The following GARNL3 variants were observed in gnomAD, a reference collection of about 807,000 sequenced individuals.
The protein encoded by GARNL3 is GTPase-activating Rap/Ran-GAP domain-like protein 3.
In GARNL3, 63 loss-of-function variants were observed where a neutral mutation model predicts 125.0. The observed-to-expected ratio is 0.50, with a 90% CI of 0.41 to 0.62. The LOEUF (loss-of-function observed/expected upper bound fraction) is 0.62, where lower values mean the gene tolerates loss of function less well. GARNL3 is among the 20% of genes least tolerant of loss of function. The pLI, the probability that GARNL3 is intolerant of heterozygous loss-of-function variation, is 0.00. For synonymous variants in GARNL3, 439 were observed against 457.5 expected (o/e 0.96, Z 0.52); for missense variants, 994 against 1,244.0 (o/e 0.80, Z 3.02).
chr9:127,285,234 C>A (rs2064214947), intron 1 of GARNL3, among the ~76,000 whole-genome samples: 1 of 152,134 alleles, frequency 6.6e-6, no homozygotes, highest in Admixed American at 6.5e-5. Flanking sequence ...GAGTTTGAGA[C>A]CAGCCTGACC....
chr9:127,276,863 G>A (rs2063970185), intron 1 of GARNL3, among the ~76,000 whole-genome samples: 1 of 152,206 alleles, frequency 6.6e-6, no homozygotes, highest in Non-Finnish European at 1.5e-5. Context: ...TGAGTGCTTT[G>A]TATGTGTAAA....
At chr9:127,225,596 G>C (rs2062894072) in intron 1 of GARNL3, among the ~76,000 whole-genome samples, 1 of 151,792 alleles carries the variant, frequency 6.6e-6, no homozygotes. Flanking sequence ...GAGGTGCAGG[G>C]ACGGGTGTCG....
At chr9:127,247,607 AT>A (rs1409679335) in intron 2 of GARNL3, among the ~76,000 whole-genome samples, 1 of 151,826 alleles carries the variant, frequency 6.6e-6, no homozygotes, top group Admixed American at 6.6e-5. Flanking sequence ...TGTTATTTAT[AT>A]TTTTTTACCT....
intron 21 of GARNL3, among the ~76,000 whole-genome samples, chr9:127,359,099 C>A (rs368989577): frequency 1.3e-5 from 2 of 152,082 alleles, no homozygotes; most frequent in Admixed American, 1.3e-4. Context: ...CCACTCCCCC[C>A]ACCCGCCGCC....
In GARNL3 at chr9:127,345,490, T is replaced by G. The variant is rs771045784; in HGVS notation, c.1431+13T>G. The stretch of plus-strand genomic sequence containing the variant: ...CTGTAAAAAAGAGGTGAGTTCATGA[T>G]ACTTTCAATTTGAACTTTGAATTCC... On this transcript the variant is annotated intron_variant, in intron 16 of 27. Coordinates refer to ENST00000373387, the MANE Select transcript of GARNL3 (RefSeq NM_032293.5). 23 of 1,516,710 alleles carry G rather than the reference T, an allele frequency of 1.5e-5. No homozygotes were observed. The highest frequency in any genetic ancestry group is 2.1e-5 in the Non-Finnish European group (23 of 1,108,110). 94.0% of individuals were successfully genotyped at this position (1,516,710 alleles called of 1,614,324 possible). A position where few individuals can be genotyped will look rare whatever the true frequency, so the allele number is the denominator to read the frequency against.
chr9:127,273,327 T>G (rs1419064636), intron 1 of GARNL3, among the ~76,000 whole-genome samples: 3 of 152,222 alleles, frequency 2.0e-5, no homozygotes, highest in African/African-American at 7.2e-5. Flanking sequence ...GAGTGTTTCC[T>G]GAGAAAATTA....
intron 1 of GARNL3, among the ~76,000 whole-genome samples, chr9:127,226,655 C>T (rs57569557): frequency 0.17 from 25,155 of 152,200 alleles, 6,398 homozygotes; most frequent in African/African-American, 0.55. Context: ...CCTCCTCCTT[C>T]GGAAGTCTTC....
chr9:127,300,273 A>T, intron 2 of GARNL3: 1 of 252,018 alleles, frequency 4.0e-6, no homozygotes. Flanking sequence ...GATCAATTTC[A>T]AAAGTTAGAG....
At chr9:127,327,915 A>G (rs1160726236) in intron 7 of GARNL3, among the ~76,000 whole-genome samples, 3 of 152,252 alleles carry the variant, frequency 2.0e-5, no homozygotes, top group African/African-American at 4.8e-5. Context: ...TACGTTTTAT[A>G]TAAAATTAGG....
chr9:127,360,311 C>T (rs556699335), intron 21 of GARNL3, among the ~76,000 whole-genome samples: 101 of 152,142 alleles, frequency 6.6e-4, no homozygotes, highest in African/African-American at 2.2e-3. Context: ...TGTGAGCCAC[C>T]GCACCCGGCC....
chr9:127,353,551 T>G (rs1395860606), intron 17 of GARNL3: 1 of 272,728 alleles, frequency 3.7e-6, no homozygotes, highest in East Asian at 1.1e-4. Context: ...TATTGAGAGA[T>G]GTTGCTTTTT....
intron 11 of GARNL3, 143 bp downstream of exon 11, chr9:127,336,379 G>A: frequency 3.4e-6 from 2 of 585,992 alleles, no homozygotes; most frequent in South Asian, 2.2e-5. Flanking sequence ...TTTTTCCTAA[G>A]CATTGTGTAT....
chr9:127,288,843 C>T (rs2064326948), intron 1 of GARNL3, among the ~76,000 whole-genome samples: 1 of 152,154 alleles, frequency 6.6e-6, no homozygotes, highest in South Asian at 2.1e-4. Flanking sequence ...GCCTTCGACT[C>T]CTAGATGAGA....
chr9:127,311,320 G>T (rs967804561), intron 2 of GARNL3, among the ~76,000 whole-genome samples: 4 of 151,962 alleles, frequency 2.6e-5, no homozygotes, highest in Non-Finnish European at 5.9e-5. Context: ...AAAAGAAGGG[G>T]GTTCCTCTAG....
chr9:127,233,169 C>G (rs924164620), intron 1 of GARNL3, among the ~76,000 whole-genome samples: 1 of 151,680 alleles, frequency 6.6e-6, no homozygotes, highest in African/African-American at 2.4e-5. Context: ...CTACAGTGAG[C>G]CAGGATCATG....
chr9:127,225,367 C>T (rs1292687393), intron 1 of GARNL3: 4 of 984,076 alleles, frequency 4.1e-6, no homozygotes, highest in South Asian at 4.7e-5. Flanking sequence ...AAGAGGGCGG[C>T]GCTGCGGCGC....
chr9:127,345,882 C>G (rs1171564378), intron 16 of GARNL3, among the ~76,000 whole-genome samples: 1 of 152,206 alleles, frequency 6.6e-6, no homozygotes, highest in Non-Finnish European at 1.5e-5. Flanking sequence ...CACAGACATG[C>G]TTTAAACAGC....
intron 1 of GARNL3, among the ~76,000 whole-genome samples, chr9:127,274,423 T>C (rs2063901024): frequency 1.3e-5 from 2 of 152,202 alleles, no homozygotes; most frequent in African/African-American, 4.8e-5. Flanking sequence ...GGAACCTTGA[T>C]ACCAGACATC....
At chr9:127,339,315 G>T (rs1036604782) in intron 12 of GARNL3, among the ~76,000 whole-genome samples, 8 of 151,738 alleles carry the variant, frequency 5.3e-5, no homozygotes, top group Non-Finnish European at 1.0e-4. Context: ...AAAAAAAGAG[G>T]TTTAATTGTA....
Sources: gnomAD v4.1 joint callset for allele counts (sites outside exome capture counted in the v4.1 genomes callset) on GRCh38, gnomAD v4.1.1 for gene constraint, MANE v1.5 for transcripts, NCBI Gene and HGNC (gene_info 2026-07-23, HGNC 2026-07-21) for gene names.